The following GSG1L variants were observed in gnomAD, a reference collection of about 807,000 sequenced individuals.
GSG1L encodes GSG1 like.
A neutral mutation model predicts 42.1 loss-of-function variants in GSG1L; 24 were observed. That is an observed-to-expected ratio of 0.57 (90% confidence interval 0.41 to 0.80). The LOEUF (loss-of-function observed/expected upper bound fraction) is 0.80, where lower values mean the gene tolerates loss of function less well. GSG1L is among the 30% of genes least tolerant of loss of function. GSG1L has a pLI of 0.00. For synonymous variants in GSG1L, 215 were observed against 203.5 expected (o/e 1.06, Z -0.48); for missense variants, 445 against 472.2 (o/e 0.94, Z 0.53).
At chr16:27,951,973 C>T (rs2084955188) in intron 2 of GSG1L, among the ~76,000 whole-genome samples, 1 of 152,176 alleles carries the variant, frequency 6.6e-6, no homozygotes, top group Non-Finnish European at 1.5e-5. Context: ...ATGAAACCTA[C>T]AAGCTTTGGA....
rs185406622 is a variant in GSG1L at position 27,833,651 on chromosome 16, C to T, written c.663-4695G>A. ...TTATTCTGTGGTTTACAGTTTTCAGCGTACAAGTCCTGTAAGTGTTTTGTT... is the reference window on the plus strand; with the variant it reads ...TTATTCTGTGGTTTACAGTTTTCAGTGTACAAGTCCTGTAAGTGTTTTGTT... On this transcript the variant is annotated intron_variant, in intron 4 of 6. Coordinates refer to ENST00000447459, the MANE Select transcript of GSG1L (RefSeq NM_001109763.2). 5.5e-4 allele frequency among the ~76,000 whole-genome samples: 84 copies of T among 152,212 alleles called. 1 individual carries two copies. The highest frequency in any genetic ancestry group is 7.9e-4 in the Non-Finnish European group (54 of 68,006).
chr16:27,952,273 C>T (rs1418860660), intron 2 of GSG1L, among the ~76,000 whole-genome samples: 1 of 152,256 alleles, frequency 6.6e-6, no homozygotes, highest in African/African-American at 2.4e-5. Context: ...AGACAAGATG[C>T]AGTGCTTGTG....
chr16:28,024,001 G>A (rs1011787276), intron 1 of GSG1L, among the ~76,000 whole-genome samples: 2 of 152,242 alleles, frequency 1.3e-5, no homozygotes, highest in East Asian at 3.9e-4. Flanking sequence ...CTGCACTCTA[G>A]CCTGGATGAC....
Position 27,845,009 on chromosome 16 carries a change from G to A in GSG1L, c.603C>T (p.Thr201=), listed in dbSNP as rs199498046. ...TCCAGTCCTCAGGACCGAGGCTCACGGTGACCTGGAACACCTGCGTGTACA... is the reference window on the plus strand; with the variant it reads ...TCCAGTCCTCAGGACCGAGGCTCACAGTGACCTGGAACACCTGCGTGTACA... The part of the protein sequence containing the change: ...HMMYTQVFQV[T]VSLGPEDWRP... The change falls in exon 4 of 7, where the codon ACC becomes ACT. Residue 201 remains threonine (T), a synonymous_variant. Coordinates refer to ENST00000447459, the MANE Select transcript of GSG1L (RefSeq NM_001109763.2). The A allele has an allele frequency of 2.2e-5, 35 of 1,613,818 alleles. No individual in the cohort carries two copies. In the African/African-American group the frequency reaches 2.8e-4, roughly 13 times the overall value.
intron 1 of GSG1L, among the ~76,000 whole-genome samples, chr16:28,042,080 G>A (rs1160781041): frequency 6.6e-6 from 1 of 152,194 alleles, no homozygotes; most frequent in African/African-American, 2.4e-5. Flanking sequence ...TGCAGGTCTT[G>A]CTTTTCTTTC....
intron 4 of GSG1L, among the ~76,000 whole-genome samples, chr16:27,835,406 T>G (rs1242877090): frequency 6.6e-6 from 1 of 152,170 alleles, no homozygotes; most frequent in East Asian, 1.9e-4. Flanking sequence ...GAAGTGAGTT[T>G]CTTGTAGACA....
At chr16:27,806,608 A>G (rs1164201186) in intron 6 of GSG1L, among the ~76,000 whole-genome samples, 2 of 152,154 alleles carry the variant, frequency 1.3e-5, no homozygotes, top group Non-Finnish European at 2.9e-5. Flanking sequence ...CTATACACCA[A>G]CTTCCCTGGC....
At chr16:27,990,443 T>C (rs1362733407) in intron 1 of GSG1L, among the ~76,000 whole-genome samples, 1 of 152,166 alleles carries the variant, frequency 6.6e-6, no homozygotes, top group Admixed American at 6.5e-5. Flanking sequence ...TATGCCAAGG[T>C]TTTGACTAGA....
intron 3 of GSG1L, chr16:27,850,587 CAGGGAGGCTG>C: frequency 2.2e-6 from 1 of 455,694 alleles, no homozygotes; most frequent in Non-Finnish European, 4.4e-6. Flanking sequence ...GCAGAGTGGC[CAGGGAGGCTG>C]AGGGAAAACC....
At chr16:28,055,364 C>A (rs1429194411) in intron 1 of GSG1L, among the ~76,000 whole-genome samples, 1 of 152,020 alleles carries the variant, frequency 6.6e-6, no homozygotes, top group Non-Finnish European at 1.5e-5. Context: ...TGCTATGTTG[C>A]CCAGGCTTGT....
intron 2 of GSG1L, among the ~76,000 whole-genome samples, chr16:27,942,936 T>C (rs1240265951): frequency 6.6e-6 from 1 of 152,214 alleles, no homozygotes; most frequent in East Asian, 1.9e-4. Flanking sequence ...GTTCTCAGAC[T>C]GGAGTATGCA....
At chr16:27,807,433 C>T (rs2082978232) in intron 6 of GSG1L, 54 bp downstream of exon 6, 1 of 1,466,414 alleles carries the variant, frequency 6.8e-7, no homozygotes, top group African/African-American at 1.4e-5. Flanking sequence ...GATTCTTTCT[C>T]CTCTGGCAGC....
chr16:27,795,657 T>C (rs1358609315), intron 6 of GSG1L, among the ~76,000 whole-genome samples: 3 of 152,124 alleles, frequency 2.0e-5, no homozygotes, highest in African/African-American at 7.2e-5. Flanking sequence ...TGGGAAAAGA[T>C]TTGTCAAGGC....
intron 2 of GSG1L, among the ~76,000 whole-genome samples, chr16:27,885,434 C>T (rs1425748079): frequency 6.6e-6 from 1 of 152,198 alleles, no homozygotes; most frequent in African/African-American, 2.4e-5. Flanking sequence ...CAGGCATGAG[C>T]CACCACACCT....
At chr16:27,825,003 G>A (rs2083193596) in intron 5 of GSG1L, among the ~76,000 whole-genome samples, 1 of 152,226 alleles carries the variant, frequency 6.6e-6, no homozygotes, top group Non-Finnish European at 1.5e-5. Context: ...GAGATGAGCC[G>A]CATGCCAGGT....
At chr16:28,061,851 A>G (rs570862240) in intron 1 of GSG1L, among the ~76,000 whole-genome samples, 1 of 152,294 alleles carries the variant, frequency 6.6e-6, no homozygotes, top group South Asian at 2.1e-4. Flanking sequence ...GGAGCCCCTG[A>G]AGAAGGAGGT....
intron 2 of GSG1L, among the ~76,000 whole-genome samples, chr16:27,901,844 C>T (rs2084261407): frequency 6.6e-6 from 1 of 152,226 alleles, no homozygotes; most frequent in Non-Finnish European, 1.5e-5. Context: ...TTGTCATCCC[C>T]TGTCCCTCCA....
chr16:28,050,197 A>T (rs1480499830), intron 1 of GSG1L, among the ~76,000 whole-genome samples: 1 of 151,296 alleles, frequency 6.6e-6, no homozygotes, highest in Non-Finnish European at 1.5e-5. Flanking sequence ...TTTTTTTTTA[A>T]GAGTCAAGGT....
At chr16:27,997,106 T>C (rs573899416) in intron 1 of GSG1L, among the ~76,000 whole-genome samples, 1 of 152,128 alleles carries the variant, frequency 6.6e-6, no homozygotes, top group South Asian at 2.1e-4. Context: ...TGGTTCTCAC[T>C]AGGCTAAAAT....
Sources: allele counts gnomAD v4.1 joint callset (sites outside exome capture counted in the v4.1 genomes callset), GRCh38; gene constraint gnomAD v4.1.1; transcripts MANE v1.5; gene names NCBI Gene and HGNC (gene_info 2026-07-23, HGNC 2026-07-21).